The following ZNF76 variants were observed in gnomAD, a reference collection of about 807,000 sequenced individuals.
ZNF76 encodes the protein zinc finger protein 76.
In ZNF76, 66 loss-of-function variants were observed where a neutral mutation model predicts 66.9. The observed-to-expected ratio is 0.99, with a 90% CI of 0.81 to 1.21. The LOEUF (loss-of-function observed/expected upper bound fraction) is 1.21, where lower values mean the gene tolerates loss of function less well. Among genes scored for constraint, ZNF76 ranks in the 50% most tolerant of loss-of-function variants. ZNF76 has a pLI of 0.00. For missense variants in ZNF76, 729 were observed against 760.3 expected (o/e 0.96, Z 0.48); for synonymous variants, 275 against 296.1 (o/e 0.93, Z 0.73).
chr6:35,281,127 C>CT lies in ZNF76; in HGVS notation c.-24dup. ...TGCTGGCCAGAAGCCAACTTCATGT[C>CT]TGAGTGCACGAGCAGCAGTTTGCCA... On this transcript the variant is annotated 5_prime_UTR_variant, in exon 2 of 14. An upstream open reading frame in the 5' UTR gains an earlier in-frame stop. Transcript: ENST00000373953. 1 of 1,613,470 alleles carries CT rather than the reference C, an allele frequency of 6.2e-7. No individual in the cohort carries two copies. The highest frequency in any genetic ancestry group is 8.5e-7 in the Non-Finnish European group (1 of 1,179,514).
At position 35,276,896 on chromosome 6, in the gene ZNF76, A is replaced by G. The variant is rs1787986096; in HGVS notation, c.-96-4160A>G. On this transcript the variant is annotated intron_variant, in intron 1 of 13. Transcript: ENST00000373953. ...ACTGCAACCTCCGCCTCCTGGGTCC[A>G]AGCAATTCTCCTGCCTCAGCCTCCC... 2.7e-5 allele frequency among the ~76,000 whole-genome samples: 4 copies of G among 148,792 alleles called. No individual in the cohort carries two copies. The South Asian group carries it at 8.4e-4, about 31-fold the overall frequency.
intron 1 of ZNF76, among the ~76,000 whole-genome samples, chr6:35,260,901 T>G (rs1362319872): frequency 6.6e-6 from 1 of 152,174 alleles, no homozygotes; most frequent in Non-Finnish European, 1.5e-5. Context: ...ATCATGAACC[T>G]TACTCCCTCA....
intron 11 of ZNF76, among the ~76,000 whole-genome samples, 178 bp downstream of exon 11, chr6:35,293,222 C>T (rs1280597932): frequency 1.3e-5 from 2 of 152,350 alleles, no homozygotes; most frequent in South Asian, 2.1e-4. Flanking sequence ...CTCTCCTCCT[C>T]CTGTGCTTCC....
Position 35,292,568 on chromosome 6 carries a change from G to A in ZNF76, c.946G>A (p.Val316Ile), listed in dbSNP as rs143517301. 2.2e-4 allele frequency: 347 copies of A among 1,612,050 alleles called. No individual in the cohort carries two copies. In the East Asian group the frequency reaches 3.9e-3, roughly 18 times the overall value. The change falls in exon 10 of 14, where the codon GTT becomes ATT. Residue 316 changes from valine to isoleucine, a missense_variant. Val to Ile is a conservative substitution (Grantham distance 29). Transcript: ENST00000373953. The surrounding 1 kb of genome is among the most constrained non-coding windows in gnomAD (Gnocchi z 4.7). ...VRIHTGEKPY[V>I]CTVPGCGKRF... is the part of the protein sequence containing the mutation. ...AGTGTCCCCAGGGGAGAAGCCATAC[G>A]TTTGCACGGTGCCAGGCTGCGGGAA...
Position 35,289,196 on chromosome 6 carries a change from A to G in ZNF76, c.433-1070A>G, listed in dbSNP as rs548713063. ...TCCTAATATGATGAGATGGGACCAG[A>G]TGATCTCAGAGGTCACTTCCATCCC... On this transcript the variant is annotated intron_variant, in intron 5 of 13. Coordinates refer to ENST00000373953, the MANE Select transcript of ZNF76 (RefSeq NM_003427.5). Among the ~76,000 whole-genome samples, 101 of 152,190 alleles carry G rather than the reference A, an allele frequency of 6.6e-4. 3 individuals carry two copies. The South Asian group carries it at 0.021, about 31-fold the overall frequency.
chr6:35,278,004 C>T (rs1038410097), intron 1 of ZNF76, among the ~76,000 whole-genome samples: 3 of 152,030 alleles, frequency 2.0e-5, no homozygotes, highest in Non-Finnish European at 4.4e-5. Context: ...GAACTACAGG[C>T]GCCCTCCACG....
chr6:35,274,623 G>A (rs1190925801), intron 1 of ZNF76, among the ~76,000 whole-genome samples: 2 of 152,298 alleles, frequency 1.3e-5, no homozygotes, highest in East Asian at 3.9e-4. Context: ...CACTCAGGAG[G>A]CTAAGGCAAG....
At chr6:35,290,577 G>C in intron 6 of ZNF76, 64 bp from the exon 7 acceptor site, 1 of 1,594,656 alleles carries the variant, frequency 6.3e-7, no homozygotes, top group Admixed American at 1.7e-5. Flanking sequence ...GGGTCCTAAA[G>C]AAAACCAAAG....
chr6:35,284,113 A>G (rs1789176978), intron 2 of ZNF76, among the ~76,000 whole-genome samples: 1 of 151,258 alleles, frequency 6.6e-6, no homozygotes, highest in Non-Finnish European at 1.5e-5. Flanking sequence ...TTTTTTTGAG[A>G]CGGAGTCTCA....
intron 11 of ZNF76, among the ~76,000 whole-genome samples, chr6:35,293,294 C>T (rs1435326010): frequency 6.6e-6 from 1 of 152,208 alleles, no homozygotes; most frequent in African/African-American, 2.4e-5. Flanking sequence ...TGGAGGCTGA[C>T]AGGTCCTGTT....
At chr6:35,279,213 G>C (rs1174289661) in intron 1 of ZNF76, 1 of 166,092 alleles carries the variant, frequency 6.0e-6, no homozygotes, top group African/African-American at 2.4e-5. Context: ...CACAGATTCT[G>C]TGTTCAATAG....
chr6:35,292,064 C>G lies in ZNF76; in HGVS notation c.931+327C>G. 2.1e-6 allele frequency: 1 copy of G among 467,342 alleles called. No homozygotes were observed. 28.9% of individuals were successfully genotyped at this position (467,342 alleles called of 1,614,324 possible). A position where few individuals can be genotyped will look rare whatever the true frequency, so the allele number is the denominator to read the frequency against. On this transcript the variant is annotated intron_variant, in intron 9 of 13. Transcript: ENST00000373953. The surrounding 1 kb of genome is among the most constrained non-coding windows in gnomAD (Gnocchi z 4.7). ...AGGGTCAGGAATGATGGGGAAGAAG[C>G]AGAGTGAACTGTCACCTTCAACTCC...
At position 35,287,630 on chromosome 6, in the gene ZNF76, C is replaced by A; in HGVS notation, c.233-16C>A. 2 of 1,595,544 alleles carry A rather than the reference C, an allele frequency of 1.3e-6. No homozygotes were observed. Among genetic ancestry groups the A allele is most frequent in the Non-Finnish European group, 1.7e-6 (2 of 1,169,960 alleles). ...CCCCTTGTGTGGCATCAGGGCTAAC[C>A]GCGTGTTCCCTGCAGAAGGCTATGA... On this transcript the variant is annotated splice_polypyrimidine_tract_variant and intron_variant, in intron 4 of 13. Coordinates refer to ENST00000373953, the MANE Select transcript of ZNF76 (RefSeq NM_003427.5). The surrounding 1 kb of genome is among the most constrained non-coding windows in gnomAD (Gnocchi z 4.0).
At chr6:35,283,191 A>C (rs1056251619) in intron 2 of ZNF76, among the ~76,000 whole-genome samples, 1 of 152,180 alleles carries the variant, frequency 6.6e-6, no homozygotes, top group African/African-American at 2.4e-5. Flanking sequence ...GTATTTCTTT[A>C]TTCTGTCAGT....
chr6:35,287,992 C>T lies in ZNF76; in HGVS notation c.432+147C>T. The T allele has an allele frequency of 1.1e-6, 1 of 923,944 alleles. No individual in the cohort carries two copies. The highest frequency in any genetic ancestry group is 1.7e-6 in the Non-Finnish European group (1 of 587,504). 57.2% of individuals were successfully genotyped at this position (923,944 alleles called of 1,614,324 possible). On this transcript the variant is annotated intron_variant, in intron 5 of 13. Transcript: ENST00000373953. The surrounding 1 kb of genome is among the most constrained non-coding windows in gnomAD (Gnocchi z 4.0). ...CACCATGTGGGATATTCCCTTTGCCCCTCCACCCCAGCTCCCCCAACTCAC... is the reference window on the plus strand; with the variant it reads ...CACCATGTGGGATATTCCCTTTGCCTCTCCACCCCAGCTCCCCCAACTCAC...
Position 35,294,499 on chromosome 6 carries a change from G to C in ZNF76, c.1538G>C (p.Ser513Thr). The C allele has an allele frequency of 6.2e-7, 1 of 1,614,114 alleles. No homozygotes were observed. The highest frequency in any genetic ancestry group is 8.5e-7 in the Non-Finnish European group (1 of 1,180,014). ...TSGAVVAEDS[S>T]VASLRHQQVA... ...GGGGCTGTGGTGGCTGAGGACTCAA[G>C]TGTAGCATCTCTTCGTCATCAACAG... The change falls in exon 13 of 14, where the codon AGT becomes ACT. Residue 513 changes from serine (S) to threonine (T), a missense_variant. By Grantham distance (58) the Ser-to-Thr change is moderately conservative (BLOSUM62 1). Coordinates refer to ENST00000373953, the MANE Select transcript of ZNF76 (RefSeq NM_003427.5).
chr6:35,294,778 A>G, intron 13 of ZNF76: 1 of 615,440 alleles, frequency 1.6e-6, no homozygotes, highest in South Asian at 1.8e-5. Flanking sequence ...TCTGGCCTTC[A>G]GGATAACTCC....
rs1219246701 is a variant in ZNF76 at position 35,287,362 on chromosome 6, T to G, written c.233-284T>G. On this transcript the variant is annotated intron_variant, in intron 4 of 13. Coordinates refer to ENST00000373953, the MANE Select transcript of ZNF76 (RefSeq NM_003427.5). This position sits in a 1 kb window ranked among gnomAD's most constrained non-coding sequence, Gnocchi z 4.0. ...ACTAGAGGGGGTGAGGAGCGACTGG[T>G]CAGGAGGCTATTGTGGTCATCTAAG... 6.6e-6 allele frequency among the ~76,000 whole-genome samples: 1 copy of G among 152,094 alleles called. No homozygotes were observed. The highest frequency in any genetic ancestry group is 2.4e-5 in the African/African-American group (1 of 41,396).
chr6:35,284,523 C>T (rs752844432), intron 2 of ZNF76, among the ~76,000 whole-genome samples: 5 of 152,010 alleles, frequency 3.3e-5, no homozygotes, highest in African/African-American at 4.8e-5. Flanking sequence ...CTCAGCCTTC[C>T]GAGTAGCTGG....
Sources: allele counts gnomAD v4.1 joint callset (sites outside exome capture counted in the v4.1 genomes callset), GRCh38; gene constraint gnomAD v4.1.1; non-coding constraint Gnocchi (gnomAD v3.1); transcripts MANE v1.5; gene names NCBI Gene and HGNC (gene_info 2026-07-23, HGNC 2026-07-21).